FTO: variants seen among roughly 807,000 people sequenced by gnomAD.
FTO encodes the protein FTO alpha-ketoglutarate dependent dioxygenase, also known as alpha-ketoglutarate-dependent dioxygenase FTO.
In FTO, 47 loss-of-function variants were observed where a neutral mutation model predicts 63.9. The ratio of observed to expected loss-of-function variants is 0.74; its 90% CI spans 0.58 to 0.94. FTO has a LOEUF of 0.94. Among genes scored for constraint, FTO ranks in the 40% least tolerant of loss-of-function variants. The pLI is 0.00. For synonymous variants in FTO, 207 were observed against 224.4 expected (o/e 0.92, Z 0.69); for missense variants, 562 against 618.1 (o/e 0.91, Z 0.96).
intron 8 of FTO, among the ~76,000 whole-genome samples, chr16:54,067,586 G>A (rs376906879): frequency 2.0e-5 from 3 of 152,162 alleles, no homozygotes; most frequent in East Asian, 3.9e-4. Flanking sequence ...TTAACAGTCC[G>A]TCCATATCAC....
intron 8 of FTO, among the ~76,000 whole-genome samples, chr16:53,936,620 A>G (rs1221126322): frequency 6.6e-6 from 1 of 152,194 alleles, no homozygotes; most frequent in African/African-American, 2.4e-5. Context: ...TGTACTTCGG[A>G]ATTACACAAG....
At chr16:53,828,797 GC>G (rs1419433532) in intron 3 of FTO, among the ~76,000 whole-genome samples, 3 of 152,138 alleles carry the variant, frequency 2.0e-5, no homozygotes, top group Non-Finnish European at 2.9e-5. Context: ...AAATATCCAG[GC>G]TTCAGAATCT....
intron 8 of FTO, among the ~76,000 whole-genome samples, chr16:54,053,082 A>G (rs1294589449): frequency 1.3e-5 from 2 of 152,222 alleles, no homozygotes; most frequent in African/African-American, 2.4e-5. Flanking sequence ...AAAGGTAACA[A>G]CAGTATATTT....
intron 7 of FTO, among the ~76,000 whole-genome samples, chr16:53,928,556 C>A (rs1410678306): frequency 6.6e-6 from 1 of 152,122 alleles, no homozygotes; most frequent in Non-Finnish European, 1.5e-5. Context: ...TTTCTTTTCA[C>A]CCTAAATTTT....
chr16:53,825,935 T>G lies in FTO; in HGVS notation c.195T>G (p.Val65=), dbSNP rs1403403281. Residue 65 remains valine (V), a synonymous_variant, in exon 3 of 9, where the codon GTT becomes GTG. Transcript: ENST00000471389. ...TATCTGAGGAGCTCCATAAAGAGGTTCAAGAAGCCTTTCTCACACTGCACA... is the reference window on the plus strand; with the variant it reads ...TATCTGAGGAGCTCCATAAAGAGGTGCAAGAAGCCTTTCTCACACTGCACA... The part of the protein sequence containing the change: ...SSVSEELHKE[V]QEAFLTLHKH... 6.2e-7 allele frequency: 1 copy of G among 1,614,138 alleles called. No individual in the cohort carries two copies. Among genetic ancestry groups the G allele is most frequent in the South Asian group, 1.1e-5 (1 of 91,068 alleles).
chr16:54,074,915 AGAGT>A (rs1451810740), intron 8 of FTO, among the ~76,000 whole-genome samples: 262 of 127,344 alleles, frequency 2.1e-3, no homozygotes, highest in African/African-American at 5.9e-3. Context: ...AGAGAGAGAG[AGAGT>A]GTGTGTGTGT....
intron 4 of FTO, among the ~76,000 whole-genome samples, chr16:53,858,941 G>A (rs535035597): frequency 6.6e-6 from 1 of 152,240 alleles, no homozygotes; most frequent in Non-Finnish European, 1.5e-5. Context: ...TTACAGGCAT[G>A]AGCCACCTTG....
chr16:54,100,295 A>G (rs188588098), intron 8 of FTO, among the ~76,000 whole-genome samples: 138 of 152,318 alleles, frequency 9.1e-4, no homozygotes, highest in Middle Eastern at 6.8e-3. Context: ...TTTGAGGACA[A>G]ACATTTTAAT....
chr16:53,840,821 A>G (rs2079453111), intron 3 of FTO, among the ~76,000 whole-genome samples: 2 of 152,072 alleles, frequency 1.3e-5, no homozygotes, highest in African/African-American at 4.8e-5. Flanking sequence ...ATGGGCAGCT[A>G]CTTCTTCCCT....
chr16:53,722,617 A>G (rs1410068723), intron 1 of FTO, among the ~76,000 whole-genome samples: 1 of 152,102 alleles, frequency 6.6e-6, no homozygotes, highest in East Asian at 1.9e-4. Flanking sequence ...TCACAAGATC[A>G]TGAGTTTGAG....
intron 8 of FTO, among the ~76,000 whole-genome samples, chr16:54,096,082 G>A (rs2086510838): frequency 6.6e-6 from 1 of 152,076 alleles, no homozygotes; most frequent in Non-Finnish European, 1.5e-5. Flanking sequence ...TGGATCTCTA[G>A]ATCCTGGCAC....
chr16:54,095,528 G>T (rs1173852135), intron 8 of FTO, among the ~76,000 whole-genome samples: 1 of 150,204 alleles, frequency 6.7e-6, no homozygotes, highest in East Asian at 1.9e-4. Context: ...CTTACATTGT[G>T]TGGCAGGCAG....
At chr16:53,791,979 G>A (rs2077927937) in intron 1 of FTO, among the ~76,000 whole-genome samples, 1 of 152,050 alleles carries the variant, frequency 6.6e-6, no homozygotes, top group African/African-American at 2.4e-5. Flanking sequence ...GGGAGGCTGA[G>A]GCAGGAGAAT....
intron 1 of FTO, among the ~76,000 whole-genome samples, chr16:53,792,333 T>G (rs2077946393): frequency 6.6e-6 from 1 of 152,204 alleles, no homozygotes; most frequent in South Asian, 2.1e-4. Context: ...ATGTCATATC[T>G]TGTATAATTC....
intron 1 of FTO, among the ~76,000 whole-genome samples, chr16:53,795,048 G>A (rs1324995807): frequency 6.6e-6 from 1 of 152,038 alleles, no homozygotes; most frequent in East Asian, 1.9e-4. Flanking sequence ...ATAAATAAAG[G>A]CATTACATTG....
At chr16:53,829,102 G>C (rs759181470) in intron 3 of FTO, among the ~76,000 whole-genome samples, 1 of 152,128 alleles carries the variant, frequency 6.6e-6, no homozygotes, top group Non-Finnish European at 1.5e-5. Context: ...ATGCTAGCCA[G>C]GCTGGTCTCA....
In FTO at chr16:54,112,001, G is replaced by C; in HGVS notation, c.*86G>C. ...CATGGGCTTAAGCAAGAGCAGTGGAGACTTCTCTTGGCCCCTAGATTGTAG... is the reference window on the plus strand; with the variant it reads ...CATGGGCTTAAGCAAGAGCAGTGGACACTTCTCTTGGCCCCTAGATTGTAG... On this transcript the variant is annotated 3_prime_UTR_variant, in exon 9 of 9. Coordinates refer to ENST00000471389, the MANE Select transcript of FTO (RefSeq NM_001080432.3). The C allele has an allele frequency of 7.0e-7, 1 of 1,422,910 alleles. No homozygotes were observed. Among genetic ancestry groups the C allele is most frequent in the East Asian group, 2.3e-5 (1 of 43,914 alleles). 88.1% of individuals were successfully genotyped at this position (1,422,910 alleles called of 1,614,324 possible). A position where few individuals can be genotyped will look rare whatever the true frequency, so the allele number is the denominator to read the frequency against.
At position 53,920,117 on chromosome 16, in the gene FTO, G is replaced by A. The variant is rs567300577; in HGVS notation, c.1240-13868G>A. ...TTTAGATTTATCCTAAATCTCAGTA[G>A]CAAAATTCTAGGGAGAAAAAGGAGC... On this transcript the variant is annotated intron_variant, in intron 7 of 8. Coordinates refer to ENST00000471389, the MANE Select transcript of FTO (RefSeq NM_001080432.3). Among the ~76,000 whole-genome samples, 103 of 152,178 alleles carry A rather than the reference G, an allele frequency of 6.8e-4. 1 individual carries two copies. The highest frequency in any genetic ancestry group is 9.0e-4 in the Non-Finnish European group (61 of 68,042).
At chr16:53,905,535 C>T (rs1056676928) in intron 7 of FTO, among the ~76,000 whole-genome samples, 12 of 152,172 alleles carry the variant, frequency 7.9e-5, no homozygotes, top group African/African-American at 2.7e-4. Flanking sequence ...ACCTGAGTTC[C>T]TGTTGCTCCT....
Sources: gnomAD v4.1 joint callset for allele counts (sites outside exome capture counted in the v4.1 genomes callset) on GRCh38, gnomAD v4.1.1 for gene constraint, MANE v1.5 for transcripts, NCBI Gene and HGNC (gene_info 2026-07-23, HGNC 2026-07-21) for gene names.